The following ATG4B variants were observed in gnomAD, a reference collection of about 807,000 sequenced individuals.
ATG4B encodes the protein autophagy related 4B cysteine peptidase.
Under a neutral mutation model 56.6 loss-of-function variants are expected in ATG4B, and 29 were observed. The observed-to-expected ratio is 0.51, with a 90% CI of 0.38 to 0.70. ATG4B has a LOEUF of 0.70. ATG4B is among the 30% of genes least tolerant of loss of function. The pLI is 0.00. For synonymous variants in ATG4B, 224 were observed against 206.1 expected (o/e 1.09, Z -0.74); for missense variants, 461 against 515.5 (o/e 0.89, Z 1.02).
intron 10 of ATG4B, among the ~76,000 whole-genome samples, chr2:241,670,299 T>TA (rs1392948820): frequency 2.0e-5 from 3 of 151,794 alleles, no homozygotes; most frequent in Non-Finnish European, 2.9e-5. Flanking sequence ...ACGGTGTCCT[T>TA]GGGCAGTTCT....
intron 7 of ATG4B, chr2:241,659,519 G>T (rs2068525797): frequency 1.8e-5 from 7 of 380,312 alleles, no homozygotes; most frequent in South Asian, 1.4e-4. Context: ...TATTTTGCGT[G>T]CCTTGATGTG....
intron 1 of ATG4B, among the ~76,000 whole-genome samples, chr2:241,647,465 C>CA (rs2068096310): frequency 6.6e-6 from 1 of 150,654 alleles, no homozygotes; most frequent in South Asian, 2.1e-4. Context: ...AAAAAAAATA[C>CA]AAAAAATTAG....
intron 5 of ATG4B, 46 bp downstream of exon 5, chr2:241,654,693 G>A: frequency 6.7e-7 from 1 of 1,492,690 alleles, no homozygotes; most frequent in Non-Finnish European, 9.2e-7. Flanking sequence ...GCTGTCTGGA[G>A]AGGGTGGAGT....
intron 7 of ATG4B, among the ~76,000 whole-genome samples, chr2:241,664,617 G>C (rs1463588827): frequency 6.6e-6 from 1 of 152,124 alleles, no homozygotes; most frequent in African/African-American, 2.4e-5. Context: ...TCTCAGGGAG[G>C]CTGAGTTGGA....
At position 241,668,208 on chromosome 2, in the gene ATG4B, C is replaced by A; in HGVS notation, c.798C>A (p.Phe266Leu). The change falls in exon 9 of 13, where the codon TTC becomes TTA. Residue 266 changes from phenylalanine (F) to leucine (L), a missense_variant. Physicochemically the swap from Phe to Leu is conservative, Grantham distance 22. Coordinates refer to ENST00000404914, the MANE Select transcript of ATG4B (RefSeq NM_013325.5). The surrounding 1 kb of genome is among the most constrained non-coding windows in gnomAD (Gnocchi z 4.2). The stretch of plus-strand genomic sequence containing the variant: ...GGAAGCCCAACAGCGCCCACTACTT[C>A]ATCGGCTACGTTGGTGAGTCCAGGG... ...IGGKPNSAHY[F>L]IGYVGEELIY... The A allele has an allele frequency of 6.2e-7, 1 of 1,604,906 alleles. No individual in the cohort carries two copies. The highest frequency in any genetic ancestry group is 1.7e-5 in the Admixed American group (1 of 59,028).
intron 3 of ATG4B, among the ~76,000 whole-genome samples, chr2:241,652,817 C>G (rs2068263448): frequency 6.6e-6 from 1 of 152,238 alleles, no homozygotes; most frequent in African/African-American, 2.4e-5. Context: ...GCCGGAAGCC[C>G]AGAGGTGGGC....
intron 1 of ATG4B, among the ~76,000 whole-genome samples, chr2:241,639,602 G>A (rs1032374548): frequency 1.3e-5 from 2 of 152,220 alleles, no homozygotes; most frequent in Non-Finnish European, 2.9e-5. Flanking sequence ...TGAGGAGGGT[G>A]GAGAATAGTT....
Position 241,670,797 on chromosome 2 carries a change from C to T in ATG4B, c.1014+15C>T. On this transcript the variant is annotated intron_variant, in intron 11 of 12. Transcript: ENST00000404914. Reference sequence around the variant, plus strand: ...AAGTCAAAAAGGTTTGTAGCCGCCCCACACCCACAGCCGAGCTGAGCCACC... The same window carrying T: ...AAGTCAAAAAGGTTTGTAGCCGCCCTACACCCACAGCCGAGCTGAGCCACC... 1.2e-6 allele frequency: 2 copies of T among 1,602,900 alleles called. No individual in the cohort carries two copies. The highest frequency in any genetic ancestry group is 1.7e-6 in the Non-Finnish European group (2 of 1,174,664).
chr2:241,651,650 A>G lies in ATG4B; in HGVS notation c.184+315A>G, dbSNP rs2068234442. Reference sequence around the variant, plus strand: ...TCATAGAAAGCGGTGTGTGTCCGCCACGGGCACGCAGCATGGCGCTTCAGG... The same window carrying G: ...TCATAGAAAGCGGTGTGTGTCCGCCGCGGGCACGCAGCATGGCGCTTCAGG... On this transcript the variant is annotated intron_variant, in intron 3 of 12. Transcript: ENST00000404914. The surrounding 1 kb of genome is among the most constrained non-coding windows in gnomAD (Gnocchi z 4.1). Among the ~76,000 whole-genome samples the G allele has an allele frequency of 6.6e-6, 1 of 152,266 alleles. No homozygotes were observed. Among genetic ancestry groups the G allele is most frequent in the Admixed American group, 6.5e-5 (1 of 15,290 alleles).
At chr2:241,663,143 G>A (rs1213658727) in intron 7 of ATG4B, among the ~76,000 whole-genome samples, 1 of 152,252 alleles carries the variant, frequency 6.6e-6, no homozygotes, top group Admixed American at 6.5e-5. Context: ...TGAGGCACGA[G>A]AATTGCTTGA....
chr2:241,668,793 A>G lies in ATG4B; in HGVS notation c.957+108A>G. 2.1e-6 allele frequency: 3 copies of G among 1,457,214 alleles called. No homozygotes were observed. Among genetic ancestry groups the G allele is most frequent in the Non-Finnish European group, 2.7e-6 (3 of 1,091,558 alleles). The allele number at this position is 1,457,214 out of a possible 1,614,324, so 90.3% of individuals were successfully genotyped here. A position where few individuals can be genotyped will look rare whatever the true frequency, so the allele number is the denominator to read the frequency against. ...GTTTTTTTTTTCAGCATGTTGGGAT[A>G]AGTACTGTGTTCACGTGGTTGGGAA... On this transcript the variant is annotated intron_variant, in intron 10 of 12. Coordinates refer to ENST00000404914, the MANE Select transcript of ATG4B (RefSeq NM_013325.5). The surrounding 1 kb of genome is among the most constrained non-coding windows in gnomAD (Gnocchi z 4.2).
In ATG4B at chr2:241,668,715, A is replaced by T; in HGVS notation, c.957+30A>T. ...GTGGCGGCCACCTGAGCACACAGGCATTTGGTGCTGAATGCTGTTTGGGAA... is the reference window on the plus strand; with the variant it reads ...GTGGCGGCCACCTGAGCACACAGGCTTTTGGTGCTGAATGCTGTTTGGGAA... On this transcript the variant is annotated intron_variant, in intron 10 of 12. Coordinates refer to ENST00000404914, the MANE Select transcript of ATG4B (RefSeq NM_013325.5). This position sits in a 1 kb window ranked among gnomAD's most constrained non-coding sequence, Gnocchi z 4.2. 6.5e-7 allele frequency: 1 copy of T among 1,550,168 alleles called. No homozygotes were observed. The highest frequency in any genetic ancestry group is 8.7e-7 in the Non-Finnish European group (1 of 1,151,532).
At chr2:241,659,438 G>A (rs765633878) in intron 7 of ATG4B, 23 of 563,656 alleles carry the variant, frequency 4.1e-5, no homozygotes, top group South Asian at 3.7e-4. Context: ...CGTGTTTTGT[G>A]TCTTGGTTAC....
intron 1 of ATG4B, among the ~76,000 whole-genome samples, chr2:241,649,306 C>CT (rs1384052433): frequency 6.6e-6 from 1 of 152,226 alleles, no homozygotes; most frequent in Non-Finnish European, 1.5e-5. Context: ...TGCATAAAGA[C>CT]TTCTGGAAAG....
intron 1 of ATG4B, among the ~76,000 whole-genome samples, chr2:241,644,320 G>A (rs1159586972): frequency 6.6e-6 from 1 of 152,202 alleles, no homozygotes; most frequent in East Asian, 1.9e-4. Flanking sequence ...TCCAGCTTGG[G>A]TGACAGAGCC....
intron 8 of ATG4B, 41 bp downstream of exon 8, chr2:241,666,879 C>G: frequency 1.3e-6 from 2 of 1,527,788 alleles, no homozygotes; most frequent in Admixed American, 2.0e-5. Flanking sequence ...GTCCCCGTCC[C>G]CTTCTCCCAG....
intron 1 of ATG4B, among the ~76,000 whole-genome samples, chr2:241,638,606 A>G (rs753984804): frequency 6.6e-6 from 1 of 152,200 alleles, no homozygotes; most frequent in Non-Finnish European, 1.5e-5. Context: ...TAATTCTGTC[A>G]TTCTGAATGG....
At chr2:241,669,025 GCGGCCCC>G (rs1306644682) in intron 10 of ATG4B, among the ~76,000 whole-genome samples, 390 of 117,944 alleles carry the variant, frequency 3.3e-3, no homozygotes, top group South Asian at 5.7e-3. Context: ...AAACACACGG[GCGGCCCC>G]TCCACCCACC....
intron 1 of ATG4B, among the ~76,000 whole-genome samples, chr2:241,640,211 A>T (rs2067842649): frequency 6.6e-6 from 1 of 152,354 alleles, no homozygotes; most frequent in South Asian, 2.1e-4. Context: ...AACTGTGTTG[A>T]CATGGTGATA....
Sources: allele counts gnomAD v4.1 joint callset (sites outside exome capture counted in the v4.1 genomes callset), GRCh38; gene constraint gnomAD v4.1.1; non-coding constraint Gnocchi (gnomAD v3.1); transcripts MANE v1.5; gene names NCBI Gene and HGNC (gene_info 2026-07-23, HGNC 2026-07-21).